The following ALG14 variants were observed in gnomAD, a reference collection of about 807,000 sequenced individuals.
ALG14 encodes ALG14 UDP-N-acetylglucosaminyltransferase subunit, also known as UDP-N-acetylglucosamine transferase subunit ALG14.
In ALG14, 17 loss-of-function variants were observed where a neutral mutation model predicts 22.8. The observed-to-expected ratio is 0.75, with a 90% confidence interval of 0.51 to 1.12. ALG14 has a LOEUF of 1.12. ALG14 is among the 50% of genes most tolerant of loss of function. The pLI is 0.00. For missense variants in ALG14, 288 were observed against 271.8 expected (o/e 1.06, Z -0.42); for synonymous variants, 89 against 103.7 (o/e 0.86, Z 0.86).
At chr1:95,028,925 C>G (rs906897707) in intron 2 of ALG14, among the ~76,000 whole-genome samples, 3 of 152,122 alleles carry the variant, frequency 2.0e-5, no homozygotes, top group African/African-American at 7.2e-5. Context: ...AAATTTGCAA[C>G]AAGAAAGTGA....
At chr1:95,046,982 A>G (rs923561922) in intron 2 of ALG14, among the ~76,000 whole-genome samples, 13 of 77,732 alleles carry the variant, frequency 1.7e-4, no homozygotes, top group East Asian at 1.3e-3. Flanking sequence ...AAAACATAAC[A>G]TAACATAACA....
chr1:95,060,470 A>C (rs1369729345), intron 2 of ALG14, among the ~76,000 whole-genome samples: 1 of 152,130 alleles, frequency 6.6e-6, no homozygotes, highest in Non-Finnish European at 1.5e-5. Context: ...TAATCCCAGC[A>C]CTTTGGAAGG....
intron 3 of ALG14, among the ~76,000 whole-genome samples, chr1:95,003,701 C>A (rs765016036): frequency 9.9e-5 from 15 of 152,086 alleles, no homozygotes; most frequent in Non-Finnish European, 1.9e-4. Context: ...CTCAAACAAT[C>A]CTCCTGCCTC....
chr1:95,057,625 T>TGA (rs1437398852), intron 2 of ALG14, among the ~76,000 whole-genome samples: 6 of 146,784 alleles, frequency 4.1e-5, no homozygotes, highest in African/African-American at 1.5e-4. Flanking sequence ...TGACCATCTG[T>TGA]GTGTGTGTGT....
chr1:95,045,140 T>C (rs1303050335), intron 2 of ALG14, among the ~76,000 whole-genome samples: 1 of 152,192 alleles, frequency 6.6e-6, no homozygotes, highest in Non-Finnish European at 1.5e-5. Context: ...AGTGATTGAG[T>C]TTTGCATATT....
chr1:95,036,245 T>C (rs551910856), intron 2 of ALG14, among the ~76,000 whole-genome samples: 4 of 152,108 alleles, frequency 2.6e-5, no homozygotes, highest in Non-Finnish European at 4.4e-5. Flanking sequence ...ATGGGGGCAG[T>C]TCCCCTGTGA....
intron 3 of ALG14, among the ~76,000 whole-genome samples, chr1:94,986,006 A>G (rs1672630930): frequency 6.6e-6 from 1 of 152,208 alleles, no homozygotes; most frequent in South Asian, 2.1e-4. Flanking sequence ...ATAAAAGTGG[A>G]TTATGGAGTC....
intron 3 of ALG14, among the ~76,000 whole-genome samples, chr1:95,009,811 T>C (rs1673315566): frequency 6.6e-6 from 1 of 152,200 alleles, no homozygotes; most frequent in Non-Finnish European, 1.5e-5. Flanking sequence ...AATAGTATTA[T>C]ACCAGCATTA....
chr1:94,983,158 TGAAACA>T lies in ALG14; in HGVS notation c.563_568del (p.Leu188_Phe189del). 1 of 1,614,160 alleles carries T rather than the reference TGAAACA, an allele frequency of 6.2e-7. No individual in the cohort carries two copies. The highest frequency in any genetic ancestry group is 8.5e-7 in the Non-Finnish European group (1 of 1,180,028). ...CTGAACAATGAAGTAATCTGAGAGA[TGAAACA>T]GAATCTTTCCGGACATGGATAACGT... On this transcript the variant is annotated inframe_deletion, in exon 4 of 4. Coordinates refer to ENST00000370205, the MANE Select transcript of ALG14 (RefSeq NM_144988.4).
chr1:95,013,737 TCAAA>T (rs972153058), intron 3 of ALG14, among the ~76,000 whole-genome samples: 20 of 152,120 alleles, frequency 1.3e-4, no homozygotes, highest in African/African-American at 4.1e-4. Context: ...ACAAAAGAGG[TCAAA>T]CAATTACTTC....
chr1:95,023,446 C>T (rs1390273836), intron 3 of ALG14, among the ~76,000 whole-genome samples: 1 of 152,160 alleles, frequency 6.6e-6, no homozygotes, highest in Admixed American at 6.5e-5. Context: ...CTGCTATGAA[C>T]TTAGACATTT....
In ALG14 at chr1:95,064,896, T is replaced by C; in HGVS notation, c.258A>G (p.Leu86=). 2 of 1,614,002 alleles carry C rather than the reference T, an allele frequency of 1.2e-6. No individual in the cohort carries two copies. Among genetic ancestry groups the C allele is most frequent in the Non-Finnish European group, 1.7e-6 (2 of 1,179,892 alleles). The change falls in exon 2 of 4, where the codon CTA becomes CTG. Residue 86 remains leucine, a synonymous_variant. Transcript: ENST00000370205. Reference sequence around the variant, plus strand: ...TACTAGGGTCTCTATCAGCTCGATCTAGTTCAAAAGAATTTATTTTATTGG... The same window carrying C: ...TACTAGGGTCTCTATCAGCTCGATCCAGTTCAAAAGAATTTATTTTATTGG... ...MSANKINSFE[L]DRADRDPSNM...
chr1:95,072,725 A>C, intron 1 of ALG14, 38 bp downstream of exon 1: 3 of 1,602,462 alleles, frequency 1.9e-6, no homozygotes, highest in Non-Finnish European at 2.6e-6. Context: ...GTTTGTAGTG[A>C]CCAACCCAAG....
intron 2 of ALG14, among the ~76,000 whole-genome samples, chr1:95,033,404 T>C (rs1674076324): frequency 1.7e-5 from 2 of 121,150 alleles, no homozygotes; most frequent in South Asian, 2.9e-4. Context: ...CATACATACA[T>C]ATATATATAT....
At chr1:95,060,401 T>C (rs1675103583) in intron 2 of ALG14, among the ~76,000 whole-genome samples, 1 of 151,832 alleles carries the variant, frequency 6.6e-6, no homozygotes, top group Non-Finnish European at 1.5e-5. Context: ...ACTTCGAAAA[T>C]ACAAAATAAT....
intron 3 of ALG14, among the ~76,000 whole-genome samples, chr1:95,011,664 C>A (rs889996843): frequency 1.3e-5 from 2 of 152,016 alleles, no homozygotes; most frequent in Non-Finnish European, 2.9e-5. Context: ...ATCTGCCCAC[C>A]TCGGCCTCCC....
In ALG14 at chr1:94,986,436, T is replaced by C. The variant is rs1230743462; in HGVS notation, c.421-3130A>G. 2.0e-5 allele frequency among the ~76,000 whole-genome samples: 3 copies of C among 152,204 alleles called. No homozygotes were observed. In the East Asian group the frequency reaches 5.8e-4, roughly 29 times the overall value. On this transcript the variant is annotated intron_variant, in intron 3 of 3. Transcript: ENST00000370205. ...TGCCAAACTTGACCATCTGTAATTC[T>C]AACCATACACTTATGTGGTTGACTG...
chr1:94,982,911 C>A lies in ALG14; in HGVS notation c.*165G>T. ...ATCAATGTTTGTTTCATAAGAGAAG[C>A]CTCAGTTTCTTCACTGAGTCATCTG... On this transcript the variant is annotated 3_prime_UTR_variant, in exon 4 of 4. Transcript: ENST00000370205. The A allele has an allele frequency of 1.6e-6, 1 of 615,964 alleles. No individual in the cohort carries two copies. The highest frequency in any genetic ancestry group is 2.8e-6 in the Non-Finnish European group (1 of 352,884). 38.2% of individuals were successfully genotyped at this position (615,964 alleles called of 1,614,324 possible).
chr1:95,031,905 T>C (rs1674018427), intron 2 of ALG14, among the ~76,000 whole-genome samples: 2 of 152,116 alleles, frequency 1.3e-5, no homozygotes, highest in African/African-American at 4.8e-5. Context: ...ATCTTCTCAG[T>C]TCAAGAGACT....
Sources: gnomAD v4.1 joint callset for allele counts (sites outside exome capture counted in the v4.1 genomes callset) on GRCh38, gnomAD v4.1.1 for gene constraint, MANE v1.5 for transcripts, NCBI Gene and HGNC (gene_info 2026-07-23, HGNC 2026-07-21) for gene names.